Variants in MTUS2 observed in about 807,000 individuals in gnomAD.
MTUS2 encodes the protein microtubule-associated tumor suppressor candidate 2.
MTUS2 carries 40 observed loss-of-function variants against 114.1 expected under a neutral mutation model. The ratio of observed to expected loss-of-function variants is 0.35; its 90% CI spans 0.27 to 0.46. MTUS2 has a LOEUF of 0.46. MTUS2 is among the 20% of genes least tolerant of loss of function. The probability of loss-of-function intolerance (pLI) is 1.00; values close to 1 mark genes in which losing one functional copy is unlikely to be tolerated. For synonymous variants in MTUS2, 688 were observed against 672.0 expected, an observed-to-expected ratio of 1.02 and a Z score of -0.37; for missense variants, 1,679 against 1,705.4, an observed-to-expected ratio of 0.98 and a Z score of 0.27.
intron 2 of MTUS2, among the ~76,000 whole-genome samples, chr13:28,903,364 T>TA (rs1879765001): frequency 6.6e-6 from 1 of 151,342 alleles, no homozygotes; most frequent in Non-Finnish European, 1.5e-5. Context: ...CTGCACCCAG[T>TA]AACTCATCAT....
chr13:28,912,329 A>T (rs973378408), intron 2 of MTUS2, among the ~76,000 whole-genome samples: 1 of 152,040 alleles, frequency 6.6e-6, no homozygotes, highest in Non-Finnish European at 1.5e-5. Context: ...GTAGGTGTAC[A>T]GTCTTATTTC....
intron 5 of MTUS2, among the ~76,000 whole-genome samples, chr13:29,148,564 C>T (rs140115787): frequency 0.013 from 886 of 70,006 alleles, 238 homozygotes; most frequent in Non-Finnish European, 0.026. Context: ...CTGCAAGCTC[C>T]GCCTCCCGGG....
chr13:29,213,673 A>G (rs1213410967), intron 5 of MTUS2, among the ~76,000 whole-genome samples: 1 of 152,180 alleles, frequency 6.6e-6, no homozygotes, highest in East Asian at 1.9e-4. Flanking sequence ...TAGTTTCAGC[A>G]TGGAATAATC....
In MTUS2 at chr13:28,909,166, G is replaced by A. The variant is rs373451643; in HGVS notation, c.-243+69316G>A. 2.7e-3 allele frequency among the ~76,000 whole-genome samples: 411 copies of A among 149,760 alleles called. 6 individuals are homozygous for A. The highest frequency in any genetic ancestry group is 7.1e-3 in the Middle Eastern group (2 of 280). On this transcript the variant is annotated intron_variant, in intron 2 of 15. Coordinates refer to ENST00000612955, the MANE Select transcript of MTUS2 (RefSeq NM_001033602.4). ...TCTTTTGGCTTAGGATTGACTTGGC[G>A]ATGCGGGCTTTTTTTTGGTTCCATA...
intron 8 of MTUS2, among the ~76,000 whole-genome samples, chr13:29,362,559 T>C (rs975962925): frequency 6.6e-6 from 1 of 152,144 alleles, no homozygotes; most frequent in African/African-American, 2.4e-5. Flanking sequence ...TGGTGGCACG[T>C]GCCTGTGATC....
intron 8 of MTUS2, among the ~76,000 whole-genome samples, chr13:29,427,910 T>A (rs1305097161): frequency 6.6e-6 from 1 of 152,246 alleles, no homozygotes; most frequent in Non-Finnish European, 1.5e-5. Context: ...AAATACCAAG[T>A]CTTTTTTGAG....
At chr13:28,870,403 A>G (rs1169487837) in intron 2 of MTUS2, among the ~76,000 whole-genome samples, 2 of 152,156 alleles carry the variant, frequency 1.3e-5, no homozygotes, top group Admixed American at 6.5e-5. Context: ...GGCAGATGAC[A>G]GAGTATGGGA....
chr13:29,175,120 A>C (rs1012844663), intron 5 of MTUS2, among the ~76,000 whole-genome samples: 5 of 152,214 alleles, frequency 3.3e-5, no homozygotes, highest in Admixed American at 1.3e-4. Flanking sequence ...GCTTTTAGAA[A>C]ATTTGCATTT....
At chr13:29,214,120 A>G (rs1049280685) in intron 5 of MTUS2, among the ~76,000 whole-genome samples, 13 of 150,346 alleles carry the variant, frequency 8.6e-5, no homozygotes. Flanking sequence ...CTTTCCTGGC[A>G]TTTGTGCTAT....
intron 5 of MTUS2, among the ~76,000 whole-genome samples, chr13:29,175,707 G>A (rs1893743732): frequency 6.6e-6 from 1 of 152,056 alleles, no homozygotes; most frequent in African/African-American, 2.4e-5. Context: ...GGCCTTATGT[G>A]GATGTGGCCA....
At chr13:28,913,491 G>A (rs1880569572) in intron 2 of MTUS2, among the ~76,000 whole-genome samples, 1 of 152,100 alleles carries the variant, frequency 6.6e-6, no homozygotes, top group African/African-American at 2.4e-5. Context: ...TAAGTTTTTT[G>A]ATGTGCTGCT....
intron 5 of MTUS2, among the ~76,000 whole-genome samples, chr13:29,242,089 C>T (rs1179655659): frequency 6.6e-6 from 1 of 152,148 alleles, no homozygotes; most frequent in African/African-American, 2.4e-5. Flanking sequence ...TTATGCATAA[C>T]TAGATATATT....
intron 5 of MTUS2, among the ~76,000 whole-genome samples, chr13:29,188,844 A>G (rs565325750): frequency 1.3e-5 from 2 of 152,290 alleles, no homozygotes. Context: ...CTCCCCCTGC[A>G]CGCAAACCTG....
chr13:29,439,149 C>T lies in MTUS2; in HGVS notation c.3118-834C>T, dbSNP rs78306679. On this transcript the variant is annotated intron_variant, in intron 8 of 15. Coordinates refer to ENST00000612955, the MANE Select transcript of MTUS2 (RefSeq NM_001033602.4). ...GAATGACAGAGACTTTCTTTGAAGG[C>T]CTGTAGTTTTGGTATCTCAAACTTG... is the stretch of plus-strand genomic sequence containing the variant. Among the ~76,000 whole-genome samples, 105 of 152,320 alleles carry T rather than the reference C, an allele frequency of 6.9e-4. No individual in the cohort carries two copies. The East Asian group carries it at 0.016, about 23-fold the overall frequency.
intron 5 of MTUS2, among the ~76,000 whole-genome samples, chr13:29,201,332 C>T (rs941452817): frequency 9.9e-4 from 147 of 147,810 alleles, no homozygotes; most frequent in African/African-American, 3.4e-3. Flanking sequence ...GGAATGCAAC[C>T]CCTGTTTTTT....
intron 4 of MTUS2, among the ~76,000 whole-genome samples, chr13:29,063,554 A>C (rs1227725195): frequency 6.6e-6 from 1 of 152,164 alleles, no homozygotes; most frequent in Non-Finnish European, 1.5e-5. Flanking sequence ...TATTAAAATA[A>C]ATTTTATTTT....
intron 8 of MTUS2, among the ~76,000 whole-genome samples, chr13:29,371,747 C>T (rs542314697): frequency 6.6e-6 from 1 of 152,092 alleles, no homozygotes; most frequent in South Asian, 2.1e-4. Context: ...CTCAGCACTG[C>T]CAAAAGATAG....
intron 2 of MTUS2, among the ~76,000 whole-genome samples, chr13:28,968,652 T>C (rs1883711740): frequency 6.6e-6 from 1 of 152,192 alleles, no homozygotes; most frequent in African/African-American, 2.4e-5. Flanking sequence ...AATTTTCATG[T>C]CCTATTTATG....
At chr13:29,390,147 TATAC>T (rs375212219) in intron 8 of MTUS2, among the ~76,000 whole-genome samples, 4,840 of 117,196 alleles carry the variant, frequency 0.041, 375 homozygotes, top group African/African-American at 0.12. Context: ...ACTATATATA[TATAC>T]ACACACACAC....
Sources: gnomAD v4.1 joint callset for allele counts (sites outside exome capture counted in the v4.1 genomes callset) on GRCh38, gnomAD v4.1.1 for gene constraint, MANE v1.5 for transcripts, NCBI Gene and HGNC (gene_info 2026-07-23, HGNC 2026-07-21) for gene names.